The following COL26A1 variants were observed in gnomAD, a reference collection of about 807,000 sequenced individuals.
COL26A1 encodes collagen type XXVI alpha 1 chain, also known as collagen alpha-1(XXVI) chain.
Under a neutral mutation model 59.3 loss-of-function variants are expected in COL26A1, and 41 were observed. The ratio of observed to expected loss-of-function variants is 0.69; its 90% CI spans 0.54 to 0.90. The LOEUF is 0.90. Among genes scored for constraint, COL26A1 ranks in the 40% least tolerant of loss-of-function variants. The pLI is 0.00. For missense variants in COL26A1, 612 were observed against 602.3 expected, an observed-to-expected ratio of 1.02 and a Z score of -0.17; for synonymous variants, 266 against 256.0, an observed-to-expected ratio of 1.04 and a Z score of -0.37.
At chr7:101,502,457 C>G (rs1794725431) in intron 3 of COL26A1, among the ~76,000 whole-genome samples, 3 of 152,308 alleles carry the variant, frequency 2.0e-5, no homozygotes, top group Admixed American at 6.5e-5. Context: ...CCAATCCCCT[C>G]TTGTTCTAAT....
At chr7:101,517,729 C>T (rs1347806984) in intron 3 of COL26A1, among the ~76,000 whole-genome samples, 1 of 149,758 alleles carries the variant, frequency 6.7e-6, no homozygotes, top group East Asian at 2.0e-4. Flanking sequence ...GATAGCTGGG[C>T]TGGAAGACAG....
chr7:101,370,048 G>A (rs1310824837), intron 1 of COL26A1, among the ~76,000 whole-genome samples: 1 of 151,962 alleles, frequency 6.6e-6, no homozygotes, highest in Non-Finnish European at 1.5e-5. Flanking sequence ...TTTTTGTAGA[G>A]ATGGGTTTCT....
Position 101,400,351 on chromosome 7 carries a change from C to CTTTTTTTTTTTTTTTTTTTTTTTTTTTT in COL26A1, c.159-19625_159-19624insTTTTTTTTTTTTTTTTTTTTTTTTTTTT, listed in dbSNP as rs1387032420. ...GTCCACACTGCCTTTCTTTTTTTTC[C>CTTTTTTTTTTTTTTTTTTTTTTTTTTTT]TATTTTTTTTTTTTTTTTTTTTTTT... On this transcript the variant is annotated intron_variant, in intron 1 of 12. Coordinates refer to ENST00000313669, the MANE Select transcript of COL26A1 (RefSeq NM_001278563.3). 3.2e-5 allele frequency among the ~76,000 whole-genome samples: 4 copies of CTTTTTTTTTTTTTTTTTTTTTTTTTTTT among 123,352 alleles called. 2 individuals are homozygous for CTTTTTTTTTTTTTTTTTTTTTTTTTTTT. Among genetic ancestry groups the CTTTTTTTTTTTTTTTTTTTTTTTTTTTT allele is most frequent in the Non-Finnish European group, 6.8e-5 (4 of 59,072 alleles). 80.9% of individuals were successfully genotyped at this position (123,352 alleles called of 152,430 possible).
At chr7:101,485,040 CG>C (rs992311019) in intron 3 of COL26A1, among the ~76,000 whole-genome samples, 1 of 151,934 alleles carries the variant, frequency 6.6e-6, no homozygotes, top group African/African-American at 2.4e-5. Flanking sequence ...TTAGTAGAGA[CG>C]GGGTTTCACT....
intron 2 of COL26A1, among the ~76,000 whole-genome samples, chr7:101,434,051 TCCC>T (rs1792844666): frequency 1.0e-4 from 2 of 19,496 alleles, no homozygotes; most frequent in African/African-American, 4.1e-4. Flanking sequence ...CTTCCCTCCC[TCCC>T]TCCCTCCCTC....
chr7:101,413,387 C>T (rs920758767), intron 1 of COL26A1, among the ~76,000 whole-genome samples: 6 of 151,964 alleles, frequency 3.9e-5, no homozygotes, highest in Admixed American at 3.3e-4. Context: ...GGTATGGTGG[C>T]GGGTGACTGT....
At chr7:101,386,944 G>T (rs1222438560) in intron 1 of COL26A1, among the ~76,000 whole-genome samples, 1 of 152,098 alleles carries the variant, frequency 6.6e-6, no homozygotes, top group Non-Finnish European at 1.5e-5. Context: ...TCTCAGCGTC[G>T]GACAGAGCAT....
intron 3 of COL26A1, among the ~76,000 whole-genome samples, chr7:101,482,107 C>T (rs1035942351): frequency 6.6e-6 from 1 of 151,948 alleles, no homozygotes; most frequent in African/African-American, 2.4e-5. Context: ...ACCTCTGCCT[C>T]CCGGGTTTAA....
intron 2 of COL26A1, among the ~76,000 whole-genome samples, chr7:101,444,032 G>A (rs1024544677): frequency 2.0e-5 from 3 of 151,316 alleles, no homozygotes; most frequent in East Asian, 1.9e-4. Context: ...CAACTATGCC[G>A]GGCTAATTTT....
intron 2 of COL26A1, among the ~76,000 whole-genome samples, chr7:101,443,526 G>A (rs1047154155): frequency 2.0e-5 from 3 of 152,104 alleles, no homozygotes; most frequent in African/African-American, 4.8e-5. Context: ...TTCATTCACC[G>A]ATTAAGTTGC....
intron 2 of COL26A1, among the ~76,000 whole-genome samples, chr7:101,444,449 CT>C (rs1793137166): frequency 7.0e-6 from 1 of 142,416 alleles, no homozygotes; most frequent in South Asian, 2.2e-4. Context: ...GAGTTTCACT[CT>C]TGTTGCCCAG....
At chr7:101,444,059 G>A (rs1793125614) in intron 2 of COL26A1, among the ~76,000 whole-genome samples, 1 of 151,310 alleles carries the variant, frequency 6.6e-6, no homozygotes, top group African/African-American at 2.4e-5. Context: ...TTTATTTTTT[G>A]TAGAGACAGC....
chr7:101,486,376 C>G (rs1794269619), intron 3 of COL26A1, among the ~76,000 whole-genome samples: 1 of 152,196 alleles, frequency 6.6e-6, no homozygotes, highest in African/African-American at 2.4e-5. Flanking sequence ...ATAGGGAGCT[C>G]TGAAGCCCGG....
intron 3 of COL26A1, among the ~76,000 whole-genome samples, chr7:101,491,768 G>A (rs1794466023): frequency 6.6e-6 from 1 of 152,128 alleles, no homozygotes; most frequent in Non-Finnish European, 1.5e-5. Context: ...TTTCTTTACT[G>A]CAAACTGTTT....
rs959233915 is a variant in COL26A1 at position 101,379,878 on chromosome 7, A to G, written c.158+16688A>G. ...GGTCTAAAAAGGGAAGGCATGAATAATCCACCCCTTGTTTAGCATATCATC... is the reference window on the plus strand; with the variant it reads ...GGTCTAAAAAGGGAAGGCATGAATAGTCCACCCCTTGTTTAGCATATCATC... On this transcript the variant is annotated intron_variant, in intron 1 of 12. Coordinates refer to ENST00000313669, the MANE Select transcript of COL26A1 (RefSeq NM_001278563.3). Among the ~76,000 whole-genome samples, 3 of 152,356 alleles carry G rather than the reference A, an allele frequency of 2.0e-5. No individual in the cohort carries two copies. In the South Asian group the frequency reaches 6.2e-4, roughly 32 times the overall value.
chr7:101,460,447 C>T (rs1296504565), intron 3 of COL26A1, among the ~76,000 whole-genome samples: 3 of 152,006 alleles, frequency 2.0e-5, no homozygotes, highest in African/African-American at 7.3e-5. Context: ...TGGCTCTTTC[C>T]CATCAGCACC....
intron 3 of COL26A1, among the ~76,000 whole-genome samples, chr7:101,468,754 C>T (rs1047116825): frequency 1.1e-4 from 16 of 152,292 alleles, no homozygotes; most frequent in African/African-American, 3.1e-4. Flanking sequence ...GAGGGGGAGA[C>T]GCATTCACTT....
intron 3 of COL26A1, among the ~76,000 whole-genome samples, chr7:101,507,238 T>C (rs978896865): frequency 6.6e-6 from 1 of 151,518 alleles, no homozygotes; most frequent in Non-Finnish European, 1.5e-5. Context: ...CTTCTAATTC[T>C]CCTTGCTCAG....
intron 5 of COL26A1, among the ~76,000 whole-genome samples, chr7:101,542,635 G>C (rs1795640412): frequency 6.6e-6 from 1 of 152,200 alleles, no homozygotes; most frequent in Non-Finnish European, 1.5e-5. Flanking sequence ...CAGGGGCAGA[G>C]CAGGGAGGAG....
Sources: allele counts gnomAD v4.1 joint callset (sites outside exome capture counted in the v4.1 genomes callset), GRCh38; gene constraint gnomAD v4.1.1; transcripts MANE v1.5; gene names NCBI Gene and HGNC (gene_info 2026-07-23, HGNC 2026-07-21).